Variants in CCDC148 observed in about 807,000 individuals in gnomAD.
The protein encoded by CCDC148 is coiled-coil domain containing 148.
In CCDC148, 89 loss-of-function variants were observed where a neutral mutation model predicts 85.7. The ratio of observed to expected loss-of-function variants is 1.04; its 90% confidence interval spans 0.87 to 1.24. CCDC148 has a LOEUF of 1.24. Ranked by LOEUF, CCDC148 falls within the 50% of genes most tolerant of loss-of-function variation. The pLI is 0.00. For missense variants in CCDC148, 692 were observed against 671.7 expected (o/e 1.03, Z -0.33); for synonymous variants, 230 against 213.9 (o/e 1.08, Z -0.66).
At chr2:158,247,014 C>T (rs1040789231) in intron 10 of CCDC148, among the ~76,000 whole-genome samples, 11 of 152,092 alleles carry the variant, frequency 7.2e-5, no homozygotes, top group Non-Finnish European at 1.2e-4. Flanking sequence ...AGTTTAATAA[C>T]CTTGATTACT....
At chr2:158,364,889 GA>G (rs935510177) in intron 1 of CCDC148, among the ~76,000 whole-genome samples, 1 of 151,940 alleles carries the variant, frequency 6.6e-6, no homozygotes, top group African/African-American at 2.4e-5. Context: ...TACAGAATGG[GA>G]AAAAAATTTT....
intron 11 of CCDC148, among the ~76,000 whole-genome samples, chr2:158,196,126 G>A (rs896529584): frequency 4.6e-5 from 7 of 152,016 alleles, no homozygotes; most frequent in East Asian, 1.9e-4. Flanking sequence ...CAAGCTAGTC[G>A]TTAAACACAG....
At chr2:158,196,871 A>C (rs1213687837) in intron 11 of CCDC148, among the ~76,000 whole-genome samples, 1 of 152,180 alleles carries the variant, frequency 6.6e-6, no homozygotes, top group Non-Finnish European at 1.5e-5. Flanking sequence ...CTGGGCAGTT[A>C]CTTCTGATTG....
chr2:158,174,914 CTG>C (rs1192961024), intron 13 of CCDC148, among the ~76,000 whole-genome samples: 7 of 152,172 alleles, frequency 4.6e-5, no homozygotes, highest in Non-Finnish European at 8.8e-5. Flanking sequence ...GGGCACATGA[CTG>C]TATATAATTT....
At chr2:158,179,393 G>A (rs1054555969) in intron 11 of CCDC148, among the ~76,000 whole-genome samples, 3 of 151,846 alleles carry the variant, frequency 2.0e-5, no homozygotes, top group South Asian at 2.1e-4. Flanking sequence ...TCCTGACCTC[G>A]TGATCCGCCT....
intron 11 of CCDC148, among the ~76,000 whole-genome samples, chr2:158,200,554 T>C (rs1685904313): frequency 6.6e-6 from 1 of 152,214 alleles, no homozygotes; most frequent in Non-Finnish European, 1.5e-5. Flanking sequence ...CTAACATAAT[T>C]ATGTTCTAAC....
chr2:158,350,704 AGT>A (rs1683219004), intron 2 of CCDC148, among the ~76,000 whole-genome samples: 1 of 152,086 alleles, frequency 6.6e-6, no homozygotes, highest in African/African-American at 2.4e-5. Context: ...TTCTCTTTGG[AGT>A]ACTTGTCACT....
At chr2:158,402,254 C>T (rs897679038) in intron 1 of CCDC148, among the ~76,000 whole-genome samples, 1 of 151,988 alleles carries the variant, frequency 6.6e-6, no homozygotes, top group South Asian at 2.1e-4. Flanking sequence ...TTTAATTTTT[C>T]AGAAACCAAA....
intron 1 of CCDC148, among the ~76,000 whole-genome samples, chr2:158,453,401 A>G (rs58050097): frequency 3.2e-4 from 48 of 152,304 alleles, no homozygotes; most frequent in African/African-American, 9.4e-4. Flanking sequence ...GGCTCAGCCA[A>G]TCCTGAAACC....
At chr2:158,307,992 T>C (rs1691777675) in intron 9 of CCDC148, among the ~76,000 whole-genome samples, 1 of 152,066 alleles carries the variant, frequency 6.6e-6, no homozygotes, top group South Asian at 2.1e-4. Context: ...CATCCAAGAG[T>C]CTTTGAGTCA....
chr2:158,211,558 A>G (rs987136846), intron 11 of CCDC148, among the ~76,000 whole-genome samples: 1 of 152,252 alleles, frequency 6.6e-6, no homozygotes, highest in Non-Finnish European at 1.5e-5. Flanking sequence ...CTTAGCACAC[A>G]ACGAAAATCC....
intron 11 of CCDC148, among the ~76,000 whole-genome samples, chr2:158,188,258 T>C (rs1312504830): frequency 2.0e-5 from 3 of 151,972 alleles, no homozygotes; most frequent in African/African-American, 7.2e-5. Flanking sequence ...CTTAAAAACC[T>C]AAGGAAAGCA....
intron 9 of CCDC148, among the ~76,000 whole-genome samples, chr2:158,281,455 A>AT: frequency 6.6e-6 from 1 of 152,288 alleles, no homozygotes; most frequent in African/African-American, 2.4e-5. Flanking sequence ...ATCACCACCG[A>AT]TCCCACAGAA....
At chr2:158,308,312 A>G (rs1041983372) in intron 9 of CCDC148, among the ~76,000 whole-genome samples, 7 of 152,230 alleles carry the variant, frequency 4.6e-5, no homozygotes, top group Admixed American at 2.6e-4. Context: ...TAGGAATACA[A>G]TAACTTGTCA....
chr2:158,373,323 G>T (rs1684526635), intron 1 of CCDC148, among the ~76,000 whole-genome samples: 1 of 152,016 alleles, frequency 6.6e-6, no homozygotes, highest in Non-Finnish European at 1.5e-5. Flanking sequence ...CTGTTATTTT[G>T]GATGTCTGAC....
chr2:158,386,836 A>T (rs2356092), intron 1 of CCDC148, among the ~76,000 whole-genome samples: 144,564 of 152,114 alleles, frequency 0.95, 68,728 homozygotes, highest in East Asian at 1. Context: ...TGCACAGAAC[A>T]ATTCAATCTG....
intron 9 of CCDC148, among the ~76,000 whole-genome samples, chr2:158,258,121 A>AT (rs1303882666): frequency 6.6e-6 from 1 of 151,836 alleles, no homozygotes; most frequent in African/African-American, 2.4e-5. Context: ...AGCAACTAGC[A>AT]TTTTTTATGC....
At chr2:158,448,883 A>T (rs890602320) in intron 1 of CCDC148, among the ~76,000 whole-genome samples, 2 of 152,136 alleles carry the variant, frequency 1.3e-5, no homozygotes, top group Non-Finnish European at 2.9e-5. Flanking sequence ...GCTGGAGTGC[A>T]GTGGCGCAAT....
At position 158,456,506 on chromosome 2, in the gene CCDC148, G is replaced by A. The variant is rs371422767; in HGVS notation, c.-67C>T. The A allele has an allele frequency of 2.4e-4, 379 of 1,573,896 alleles. No individual in the cohort carries two copies. In the African/African-American group the frequency reaches 4.9e-3, roughly 20 times the overall value. On this transcript the variant is annotated 5_prime_UTR_variant, in exon 1 of 14. Coordinates refer to ENST00000283233, the MANE Select transcript of CCDC148 (RefSeq NM_138803.4). Reference sequence around the variant, plus strand: ...CAGGAAAAGTGAAACGCCCACTCCTGGGCTCTCGCCGTCAGGGGTACATCT... The same window carrying A: ...CAGGAAAAGTGAAACGCCCACTCCTAGGCTCTCGCCGTCAGGGGTACATCT...
Sources: gnomAD v4.1 joint callset for allele counts (sites outside exome capture counted in the v4.1 genomes callset) on GRCh38, gnomAD v4.1.1 for gene constraint, MANE v1.5 for transcripts, NCBI Gene and HGNC (gene_info 2026-07-23, HGNC 2026-07-21) for gene names.